Variants in AVL9 observed in about 807,000 individuals in gnomAD.
AVL9 encodes the protein late secretory pathway protein AVL9 homolog.
A neutral mutation model predicts 79.2 loss-of-function variants in AVL9; 49 were observed. That is an observed-to-expected ratio of 0.62 (90% CI 0.49 to 0.79). AVL9 has a LOEUF of 0.79. Ranked by LOEUF, AVL9 falls within the 30% of genes least tolerant of loss-of-function variation. The pLI, the probability that AVL9 is intolerant of heterozygous loss-of-function variation, is 0.00. For missense variants in AVL9, 682 were observed against 776.8 expected, an observed-to-expected ratio of 0.88 and a Z score of 1.45; for synonymous variants, 299 against 280.6, an observed-to-expected ratio of 1.07 and a Z score of -0.65.
intron 6 of AVL9, among the ~76,000 whole-genome samples, chr7:32,552,678 G>A (rs1213612207): frequency 6.6e-6 from 1 of 152,088 alleles, no homozygotes; most frequent in Admixed American, 6.5e-5. Context: ...GAGTAGCTGG[G>A]ACCACAGGTG....
At chr7:32,539,057 G>A (rs1033828982) in intron 1 of AVL9, 1 of 152,286 alleles carries the variant, frequency 6.6e-6, no homozygotes, top group Non-Finnish European at 1.5e-5. Context: ...TTTGAGACTA[G>A]CCTGACCAAC....
At position 32,551,357 on chromosome 7, in the gene AVL9, A is replaced by G. The variant is rs139597099; in HGVS notation, c.396A>G (p.Ala132=). 53 of 1,610,356 alleles carry G rather than the reference A, an allele frequency of 3.3e-5. No homozygotes were observed. The highest frequency in any genetic ancestry group is 8.3e-5 in the Admixed American group (5 of 59,886). ...AGCCTCTGTATGGTTTACTTCAAGC[A>G]AAACTTCAACTCATTACACATGCAT... ...SKLPLYGLLQ[A]KLQLITHAYF... is the part of the protein sequence containing the mutation. The change falls in exon 5 of 16, where the codon GCA becomes GCG. Residue 132 remains alanine (A), a synonymous_variant. Transcript: ENST00000318709.
intron 1 of AVL9, chr7:32,537,623 C>T (rs1349788931): frequency 6.6e-6 from 1 of 151,990 alleles, no homozygotes; most frequent in East Asian, 1.9e-4. Flanking sequence ...CCACCACACC[C>T]AGCTAATATT....
chr7:32,519,850 A>G (rs1788066104), intron 1 of AVL9, among the ~76,000 whole-genome samples: 1 of 152,192 alleles, frequency 6.6e-6, no homozygotes, highest in South Asian at 2.1e-4. Flanking sequence ...GGAAGCATGA[A>G]TGGGAGGCCT....
At chr7:32,570,626 CTTTTTTTT>C (rs71559238) in intron 11 of AVL9, among the ~76,000 whole-genome samples, 3 of 144,738 alleles carry the variant, frequency 2.1e-5, no homozygotes, top group Admixed American at 6.9e-5. Context: ...AATCTTTTTT[CTTTTTTTT>C]TTTTGAGACA....
At chr7:32,561,897 C>T (rs1790348426) in intron 10 of AVL9, among the ~76,000 whole-genome samples, 1 of 152,148 alleles carries the variant, frequency 6.6e-6, no homozygotes, top group Non-Finnish European at 1.5e-5. Flanking sequence ...AATATTGCTG[C>T]ATCTCAGGGG....
In AVL9 at chr7:32,525,161, T is replaced by A. The variant is rs147985362; in HGVS notation, c.94-17980T>A. ...TCTGGCTAACGAAGGGTCAAAAAAA[T>A]TTATTTTTCCTTTATTTCCAGTTTA... On this transcript the variant is annotated intron_variant, in intron 1 of 15. Coordinates refer to ENST00000318709, the MANE Select transcript of AVL9 (RefSeq NM_015060.3). Among the ~76,000 whole-genome samples, 1,053 of 152,302 alleles carry A rather than the reference T, an allele frequency of 6.9e-3. 12 individuals carry two copies. The highest frequency in any genetic ancestry group is 0.024 in the African/African-American group (996 of 41,576).
rs975546401 is a variant in AVL9, at chr7:32,585,514, A to C, written c.*1607A>C. ...GGGAACAGACTGCCTTTTAGTAACA[A>C]GGGATACTTGGGAAATACATTGTGA... On this transcript the variant is annotated 3_prime_UTR_variant, in exon 16 of 16. Transcript: ENST00000318709. 14 of 152,214 alleles carry C rather than the reference A, an allele frequency of 9.2e-5. No individual in the cohort carries two copies. The highest frequency in any genetic ancestry group is 3.4e-4 in the African/African-American group (14 of 41,446). The allele number at this position is 152,214 out of a possible 1,614,324, so 9.4% of individuals were successfully genotyped here. A position where few individuals can be genotyped will look rare whatever the true frequency, so the allele number is the denominator to read the frequency against.
chr7:32,575,618 A>G (rs1791059776), intron 12 of AVL9, among the ~76,000 whole-genome samples: 1 of 152,216 alleles, frequency 6.6e-6, no homozygotes, highest in Non-Finnish European at 1.5e-5. Context: ...TCAAGCATAC[A>G]GTTTTTGATT....
chr7:32,517,020 C>G (rs1455867998), intron 1 of AVL9, among the ~76,000 whole-genome samples: 1 of 152,120 alleles, frequency 6.6e-6, no homozygotes, highest in Admixed American at 6.5e-5. Context: ...TACTTTTTTG[C>G]TGAGATAGAA....
chr7:32,510,258 T>C (rs1040870855), intron 1 of AVL9, among the ~76,000 whole-genome samples: 2 of 151,678 alleles, frequency 1.3e-5, no homozygotes, highest in African/African-American at 4.9e-5. Flanking sequence ...ACTTCTGAAC[T>C]GCCCCAGTAG....
At chr7:32,570,217 C>T (rs1790768462) in intron 11 of AVL9, 63 bp downstream of exon 11, 2 of 1,587,612 alleles carry the variant, frequency 1.3e-6, no homozygotes, top group African/African-American at 1.3e-5. Context: ...TTCTTAACTA[C>T]AATTATGAAT....
chr7:32,504,700 A>G (rs1476316738), intron 1 of AVL9, among the ~76,000 whole-genome samples: 1 of 152,216 alleles, frequency 6.6e-6, no homozygotes, highest in Non-Finnish European at 1.5e-5. Flanking sequence ...CAGAGGCTAC[A>G]TTCAGAAACA....
chr7:32,546,667 A>T (rs1454260672), intron 3 of AVL9, among the ~76,000 whole-genome samples: 1 of 151,696 alleles, frequency 6.6e-6, no homozygotes, highest in African/African-American at 2.4e-5. Flanking sequence ...CTAAAAATAT[A>T]AAAAAATTAG....
chr7:32,546,083 T>TTTTTTA lies in AVL9; in HGVS notation c.300+1304_300+1305insTTTTTA, dbSNP rs1554340432. 1.2e-4 allele frequency among the ~76,000 whole-genome samples: 18 copies of TTTTTTA among 144,818 alleles called. 3 individuals carry two copies. Among genetic ancestry groups the TTTTTTA allele is most frequent in the Non-Finnish European group, 1.7e-4 (11 of 66,504 alleles). On this transcript the variant is annotated intron_variant, in intron 3 of 15. Coordinates refer to ENST00000318709, the MANE Select transcript of AVL9 (RefSeq NM_015060.3). ...TTACCTGGAGACTTTTTTTTTTTTT[T>TTTTTTA]AAATATCTGTACCTAGCTTTTCCTC... is the stretch of plus-strand genomic sequence containing the variant.
chr7:32,547,597 T>C (rs1274076193), intron 3 of AVL9, among the ~76,000 whole-genome samples: 1 of 152,210 alleles, frequency 6.6e-6, no homozygotes, highest in Admixed American at 6.5e-5. Context: ...CCCCACTCCC[T>C]GGTTCTGACC....
chr7:32,513,333 T>C (rs970683786), intron 1 of AVL9, among the ~76,000 whole-genome samples: 1 of 152,166 alleles, frequency 6.6e-6, no homozygotes, highest in African/African-American at 2.4e-5. Context: ...CTTGCTTCAT[T>C]ATACCCTTCC....
At chr7:32,502,557 T>A (rs2128111680) in intron 1 of AVL9, among the ~76,000 whole-genome samples, 1 of 152,354 alleles carries the variant, frequency 6.6e-6, no homozygotes, top group Non-Finnish European at 1.5e-5. Flanking sequence ...TTTATTTAAC[T>A]GATCTCCTTT....
At chr7:32,537,157 C>T (rs1188223551) in intron 1 of AVL9, 1 of 152,142 alleles carries the variant, frequency 6.6e-6, no homozygotes, top group African/African-American at 2.4e-5. Context: ...TGATCAGCCT[C>T]TGTCATGAAG....
Sources: gnomAD v4.1 joint callset for allele counts (sites outside exome capture counted in the v4.1 genomes callset) on GRCh38, gnomAD v4.1.1 for gene constraint, MANE v1.5 for transcripts, NCBI Gene and HGNC (gene_info 2026-07-23, HGNC 2026-07-21) for gene names.